SRFBP1: variants seen among roughly 807,000 people sequenced by gnomAD.
SRFBP1 encodes serum response factor-binding protein 1.
SRFBP1 carries 47 observed loss-of-function variants against 45.5 expected under a neutral mutation model. The observed-to-expected ratio is 1.03, with a 90% CI of 0.82 to 1.32. The LOEUF (loss-of-function observed/expected upper bound fraction) is 1.32. Ranked by LOEUF, SRFBP1 falls within the 40% of genes most tolerant of loss-of-function variation. The pLI is 0.00. For synonymous variants in SRFBP1, 203 were observed against 166.3 expected (o/e 1.22, Z -1.70); for missense variants, 621 against 484.6 (o/e 1.28, Z -2.64).
intron 4 of SRFBP1, among the ~76,000 whole-genome samples, chr5:121,999,818 CAT>C (rs1639017305): frequency 6.6e-6 from 1 of 151,964 alleles, no homozygotes; most frequent in African/African-American, 2.4e-5. Context: ...TTTTAACCTC[CAT>C]ATGTCTGTGT....
intron 1 of SRFBP1, among the ~76,000 whole-genome samples, chr5:121,962,866 A>G (rs987999955): frequency 1.3e-5 from 2 of 152,230 alleles, no homozygotes; most frequent in African/African-American, 4.8e-5. Context: ...GTTTATGAGC[A>G]AGTCACTGTT....
At chr5:121,962,181 G>A in intron 1 of SRFBP1, 113 bp downstream of exon 1, 2 of 1,324,714 alleles carry the variant, frequency 1.5e-6, no homozygotes, top group South Asian at 1.2e-5. Flanking sequence ...CTTTCGTGGT[G>A]GGCCCAGGCG....
At chr5:122,057,485 G>C (rs1276748499) in intron 2 of SRFBP1, among the ~76,000 whole-genome samples, 1 of 151,578 alleles carries the variant, frequency 6.6e-6, no homozygotes, top group Non-Finnish European at 1.5e-5. Flanking sequence ...GTGTGTGTGT[G>C]TGTGTGTGTA....
intron 4 of SRFBP1, among the ~76,000 whole-genome samples, chr5:122,017,405 G>T (rs540065023): frequency 3.9e-5 from 6 of 152,120 alleles, no homozygotes; most frequent in Non-Finnish European, 7.4e-5. Context: ...TAGTGTTCAC[G>T]TAGTCTTTAC....
intron 2 of SRFBP1, among the ~76,000 whole-genome samples, chr5:122,050,371 C>G (rs1211643640): frequency 6.6e-6 from 1 of 152,030 alleles, no homozygotes; most frequent in African/African-American, 2.4e-5. Flanking sequence ...TCCATCTGGT[C>G]TTGGGATTTA....
At chr5:121,983,388 G>A (rs989933954) in intron 3 of SRFBP1, among the ~76,000 whole-genome samples, 5 of 151,678 alleles carry the variant, frequency 3.3e-5, no homozygotes, top group African/African-American at 4.8e-5. Flanking sequence ...TGACAGAAGT[G>A]AGTAATTTTA....
At chr5:121,989,883 T>C (rs998540104) in intron 3 of SRFBP1, among the ~76,000 whole-genome samples, 18 of 152,196 alleles carry the variant, frequency 1.2e-4, no homozygotes, top group African/African-American at 3.6e-4. Context: ...TGATTTTTTT[T>C]CCCAGTATTT....
intron 2 of SRFBP1, among the ~76,000 whole-genome samples, chr5:122,049,764 C>G (rs1424568659): frequency 6.6e-6 from 1 of 152,136 alleles, no homozygotes; most frequent in Non-Finnish European, 1.5e-5. Flanking sequence ...ACAACCTGCT[C>G]CTGAATGACT....
rs76971808 is a variant in SRFBP1, at chr5:122,012,247, A to G, written c.271-7013A>G. Among the ~76,000 whole-genome samples, 618 of 152,212 alleles carry G rather than the reference A, an allele frequency of 4.1e-3. 15 individuals are homozygous for G. In the East Asian group the frequency reaches 0.052, roughly 13 times the overall value. On this transcript the variant is annotated intron_variant, in intron 4 of 7. Coordinates refer to ENST00000339397, the MANE Select transcript of SRFBP1 (RefSeq NM_152546.3). Reference sequence around the variant, plus strand: ...TAAATGTAGGATTTTCTAAGAATAAAATTCTTAAGAATAAAATTAAAGATT... The same window carrying G: ...TAAATGTAGGATTTTCTAAGAATAAGATTCTTAAGAATAAAATTAAAGATT...
At chr5:122,077,708 A>G (rs755949643), downstream of SRFBP1, 1 of 1,592,558 alleles carries the variant, frequency 6.3e-7, no homozygotes. The surrounding 1 kb of genome is among the most constrained non-coding windows in gnomAD (Gnocchi z 4.9). Context: ...GTCGCGGATC[A>G]GCAGGATCGG....
intron 2 of SRFBP1, among the ~76,000 whole-genome samples, chr5:122,053,056 G>A (rs939586946): frequency 6.6e-6 from 1 of 152,016 alleles, no homozygotes; most frequent in Admixed American, 6.6e-5. Flanking sequence ...TGTTTCTTTT[G>A]TTGGGTATCC....
At chr5:121,975,822 C>T (rs1163843797) in intron 3 of SRFBP1, among the ~76,000 whole-genome samples, 1 of 151,714 alleles carries the variant, frequency 6.6e-6, no homozygotes, top group Non-Finnish European at 1.5e-5. Context: ...GCATTTTATT[C>T]AGTTCTGTAG....
intron 2 of SRFBP1, among the ~76,000 whole-genome samples, chr5:122,045,989 G>A (rs1313104965): frequency 6.6e-6 from 1 of 152,020 alleles, no homozygotes; most frequent in Non-Finnish European, 1.5e-5. Flanking sequence ...TTGGCTGTGG[G>A]TTTGTCATAG....
At chr5:122,067,832 G>A (rs937543281) in intron 2 of SRFBP1, among the ~76,000 whole-genome samples, 3 of 151,856 alleles carry the variant, frequency 2.0e-5, no homozygotes, top group Non-Finnish European at 2.9e-5. Context: ...AATGCTCCCC[G>A]GTGCATTCCC....
chr5:122,011,092 A>T (rs540049740), intron 4 of SRFBP1, among the ~76,000 whole-genome samples: 1 of 152,232 alleles, frequency 6.6e-6, no homozygotes, highest in African/African-American at 2.4e-5. Flanking sequence ...CTATAATTGA[A>T]ATTAAGTCCA....
chr5:122,031,213 A>G (rs958940976), downstream of SRFBP1, among the ~76,000 whole-genome samples: 2 of 152,264 alleles, frequency 1.3e-5, no homozygotes, highest in African/African-American at 4.8e-5. Flanking sequence ...TATAGACTTT[A>G]CAAATATATA....
In SRFBP1 at chr5:122,019,342, G is replaced by A; in HGVS notation, c.352+1G>A. 6.2e-7 allele frequency: 1 copy of A among 1,608,360 alleles called. No individual in the cohort carries two copies. Among genetic ancestry groups the A allele is most frequent in the Non-Finnish European group, 8.5e-7 (1 of 1,176,572 alleles). ...AAGAAAAAGATAGATGTGCTAAAAG[G>A]TATGAATTAAATGACTTTTAAGCCA... On this transcript the variant is annotated splice_donor_variant, in intron 5 of 7. Coordinates refer to ENST00000339397, the MANE Select transcript of SRFBP1 (RefSeq NM_152546.3). LOFTEE classifies it high-confidence loss of function.
intron 3 of SRFBP1, among the ~76,000 whole-genome samples, chr5:121,978,459 A>G (rs879318828): frequency 6.6e-5 from 10 of 152,122 alleles, no homozygotes; most frequent in Non-Finnish European, 1.0e-4. Flanking sequence ...TTAATTCCTG[A>G]CAGGTAAATA....
chr5:122,067,318 T>G (rs1754326504), intron 2 of SRFBP1, among the ~76,000 whole-genome samples: 1 of 151,454 alleles, frequency 6.6e-6, no homozygotes, highest in Non-Finnish European at 1.5e-5. Flanking sequence ...AAAAAAAAAC[T>G]TACATAGTAT....
Sources: allele counts gnomAD v4.1 joint callset (sites outside exome capture counted in the v4.1 genomes callset), GRCh38; gene constraint gnomAD v4.1.1; non-coding constraint Gnocchi (gnomAD v3.1); transcripts MANE v1.5; gene names NCBI Gene and HGNC (gene_info 2026-07-23, HGNC 2026-07-21).